Variants in KLHDC4 observed in about 807,000 individuals in gnomAD.
The protein encoded by KLHDC4 is kelch domain-containing protein 4.
KLHDC4 carries 90 observed loss-of-function variants against 62.4 expected under a neutral mutation model. That is an observed-to-expected ratio of 1.44 (90% CI 1.22 to 1.72). The LOEUF is 1.72. Among genes scored for constraint, KLHDC4 ranks in the 40% most tolerant of loss-of-function variants. The pLI is 0.00. For synonymous variants in KLHDC4, 386 were observed against 284.4 expected (o/e 1.36, Z -3.59); for missense variants, 1,025 against 699.7 (o/e 1.47, Z -5.25).
chr16:87,712,220 A>G (rs2036027839), intron 8 of KLHDC4, among the ~76,000 whole-genome samples: 1 of 152,110 alleles, frequency 6.6e-6, no homozygotes, highest in Admixed American at 6.5e-5. Context: ...CAATGTGCAG[A>G]TGTCTCCCCA....
intron 5 of KLHDC4, among the ~76,000 whole-genome samples, chr16:87,744,813 G>A (rs77880537): frequency 0.015 from 2,234 of 152,262 alleles, 27 homozygotes; most frequent in Non-Finnish European, 0.024. Context: ...TGCACGTACA[G>A]TGTGCACGCA....
chr16:87,754,072 G>T lies in KLHDC4; in HGVS notation c.369+1122C>A, dbSNP rs1308924221. Among the ~76,000 whole-genome samples the T allele has an allele frequency of 2.1e-5, 3 of 144,222 alleles. No individual in the cohort carries two copies. In the Admixed American group the frequency reaches 2.2e-4, roughly 11 times the overall value. 94.6% of individuals were successfully genotyped at this position (144,222 alleles called of 152,430 possible). Reference sequence around the variant, plus strand: ...GGAGAATCCCTTGAACCCAGGAGGCGGAAATTGCAGTGAGCTGATATAATG... The same window carrying T: ...GGAGAATCCCTTGAACCCAGGAGGCTGAAATTGCAGTGAGCTGATATAATG... On this transcript the variant is annotated intron_variant, in intron 4 of 11. Coordinates refer to ENST00000270583, the MANE Select transcript of KLHDC4 (RefSeq NM_017566.4).
chr16:87,738,956 CCATCCA>C (rs1392733907), intron 5 of KLHDC4, among the ~76,000 whole-genome samples: 76 of 4,248 alleles, frequency 0.018, no homozygotes, highest in Non-Finnish European at 0.026. Context: ...AGCACCTCAT[CCATCCA>C]CACACCAGCA....
intron 1 of KLHDC4, chr16:87,763,667 C>A (rs902158637): frequency 6.6e-5 from 10 of 152,242 alleles, no homozygotes; most frequent in African/African-American, 2.4e-4. Context: ...TTTCAACTTG[C>A]TTTTTTTGCT....
rs202015214 is a variant in KLHDC4 at position 87,711,210 on chromosome 16, G to A, written c.1044+25C>T. ...CCAAGTTAGGGCTGCGCACCACGGCGCATGCTACTCAGAGGTTGCACTACC... is the reference window on the plus strand; with the variant it reads ...CCAAGTTAGGGCTGCGCACCACGGCACATGCTACTCAGAGGTTGCACTACC... On this transcript the variant is annotated intron_variant, in intron 9 of 11. Coordinates refer to ENST00000270583, the MANE Select transcript of KLHDC4 (RefSeq NM_017566.4). 969 of 1,611,758 alleles carry A rather than the reference G, an allele frequency of 6.0e-4. 1 individual carries two copies. Among genetic ancestry groups the A allele is most frequent in the African/African-American group, 1.2e-3 (92 of 75,026 alleles).
chr16:87,730,777 T>C (rs1446987245), intron 5 of KLHDC4, 133 bp from the exon 6 acceptor site: 3 of 725,788 alleles, frequency 4.1e-6, no homozygotes, highest in African/African-American at 3.6e-5. Flanking sequence ...ACAAATTAAA[T>C]ACCATTTAAT....
intron 4 of KLHDC4, among the ~76,000 whole-genome samples, chr16:87,749,645 G>A (rs560205386): frequency 6.6e-6 from 1 of 151,900 alleles, no homozygotes; most frequent in African/African-American, 2.4e-5. Flanking sequence ...GTGCGGTGGC[G>A]CCATCATCAC....
At chr16:87,735,787 G>A (rs369343893) in intron 5 of KLHDC4, among the ~76,000 whole-genome samples, 5 of 152,300 alleles carry the variant, frequency 3.3e-5, no homozygotes, top group East Asian at 1.9e-4. Flanking sequence ...AAATACAGGG[G>A]AATGTCGTGG....
exon 1 of KLHDC4, chr16:87,702,057 A>G (rs2034168785): frequency 2.2e-6 from 1 of 456,084 alleles, no homozygotes; most frequent in Non-Finnish European, 4.4e-6. Flanking sequence ...TGGTGACCCC[A>G]GGCTGCTGTG....
intron 5 of KLHDC4, among the ~76,000 whole-genome samples, chr16:87,743,296 T>A (rs1203944931): frequency 6.6e-6 from 1 of 152,138 alleles, no homozygotes; most frequent in Non-Finnish European, 1.5e-5. Context: ...GGTCTTACTA[T>A]GTTGTCCCGG....
intron 2 of KLHDC4, among the ~76,000 whole-genome samples, chr16:87,761,275 G>C (rs985829052): frequency 2.0e-5 from 3 of 152,100 alleles, no homozygotes; most frequent in East Asian, 3.8e-4. Context: ...GGTGGGACTC[G>C]GGCACCAGAG....
intron 8 of KLHDC4, among the ~76,000 whole-genome samples, chr16:87,713,051 A>C (rs765451594): frequency 4.6e-5 from 7 of 152,178 alleles, no homozygotes; most frequent in Non-Finnish European, 1.5e-5. Context: ...TTATTTTTTG[A>C]GACAGAGTCT....
chr16:87,729,163 T>A (rs1180912104), intron 6 of KLHDC4, among the ~76,000 whole-genome samples: 1 of 152,180 alleles, frequency 6.6e-6, no homozygotes, highest in Non-Finnish European at 1.5e-5. Flanking sequence ...CCCCCCGAAT[T>A]CACAAAATTA....
chr16:87,737,833 C>G (rs182922253), intron 5 of KLHDC4, among the ~76,000 whole-genome samples: 39 of 152,100 alleles, frequency 2.6e-4, no homozygotes, highest in African/African-American at 9.4e-4. Flanking sequence ...TCAGGTGATC[C>G]GCCTGCCTCG....
chr16:87,764,212 C>G (rs958022156), intron 1 of KLHDC4, among the ~76,000 whole-genome samples: 1 of 152,166 alleles, frequency 6.6e-6, no homozygotes, highest in African/African-American at 2.4e-5. Flanking sequence ...ATCAGACGCC[C>G]ACTTATTTTA....
intron 5 of KLHDC4, among the ~76,000 whole-genome samples, chr16:87,736,270 T>C (rs1288010754): frequency 6.6e-6 from 1 of 152,176 alleles, no homozygotes; most frequent in African/African-American, 2.4e-5. Context: ...CAAGTAGATG[T>C]CTCAACACAC....
At chr16:87,739,067 TCATC>T (rs2041839424) in intron 5 of KLHDC4, among the ~76,000 whole-genome samples, 1 of 66,460 alleles carries the variant, frequency 1.5e-5, no homozygotes, top group Non-Finnish European at 2.9e-5. Flanking sequence ...CACCAGCACC[TCATC>T]CATCCACACA....
chr16:87,741,164 G>C (rs1417390297), intron 5 of KLHDC4, among the ~76,000 whole-genome samples: 2 of 152,210 alleles, frequency 1.3e-5, no homozygotes, highest in Non-Finnish European at 2.9e-5. Flanking sequence ...TGCTAGAATG[G>C]AGAAGACAAT....
At chr16:87,702,510 G>A (rs779756308) in exon 1 of KLHDC4, 15 of 357,412 alleles carry the variant, frequency 4.2e-5, no homozygotes, top group African/African-American at 6.4e-5. Context: ...CAACTTCCCA[G>A]GCATGTCCGT....
Sources: gnomAD v4.1 joint callset for allele counts (sites outside exome capture counted in the v4.1 genomes callset) on GRCh38, gnomAD v4.1.1 for gene constraint, MANE v1.5 for transcripts, NCBI Gene and HGNC (gene_info 2026-07-23, HGNC 2026-07-21) for gene names.